MAD1L1: variants seen among roughly 807,000 people sequenced by gnomAD.
The protein encoded by MAD1L1 is mitotic arrest deficient 1 like 1.
MAD1L1 carries 95 observed loss-of-function variants against 96.9 expected under a neutral mutation model. The ratio of observed to expected loss-of-function variants is 0.98; its 90% confidence interval spans 0.83 to 1.16. MAD1L1 has a LOEUF of 1.16. Ranked by LOEUF, MAD1L1 falls within the 50% of genes most tolerant of loss-of-function variation. MAD1L1 has a pLI of 0.00. For missense variants in MAD1L1, 1,007 were observed against 954.4 expected, an observed-to-expected ratio of 1.06 and a Z score of -0.73; for synonymous variants, 473 against 396.6, an observed-to-expected ratio of 1.19 and a Z score of -2.29.
chr7:2,040,518 G>A (rs535737250), intron 12 of MAD1L1, among the ~76,000 whole-genome samples: 3 of 152,326 alleles, frequency 2.0e-5, no homozygotes, highest in East Asian at 1.9e-4. Flanking sequence ...TCACGAACGC[G>A]CTCCTGTCGC....
intron 17 of MAD1L1, among the ~76,000 whole-genome samples, chr7:1,929,068 C>G (rs1789272302): frequency 6.6e-6 from 1 of 152,218 alleles, no homozygotes; most frequent in Non-Finnish European, 1.5e-5. Flanking sequence ...AACCAGGCCT[C>G]CCCTCGAGGG....
intron 17 of MAD1L1, among the ~76,000 whole-genome samples, chr7:1,906,897 C>G (rs533112638): frequency 6.6e-6 from 1 of 152,230 alleles, no homozygotes; most frequent in African/African-American, 2.4e-5. Flanking sequence ...TCCGTTTATC[C>G]CCGAACACGT....
chr7:2,184,362 A>C (rs62442472), intron 10 of MAD1L1, among the ~76,000 whole-genome samples: 40,915 of 152,106 alleles, frequency 0.27, 6,359 homozygotes, highest in African/African-American at 0.41. Context: ...ACGCCACACA[A>C]CCGCTGGAAT....
At chr7:1,927,762 T>A (rs1477779518) in intron 17 of MAD1L1, among the ~76,000 whole-genome samples, 2 of 152,184 alleles carry the variant, frequency 1.3e-5, no homozygotes, top group African/African-American at 4.8e-5. Flanking sequence ...ATGTTTGGCC[T>A]GGAGTTATGC....
chr7:2,000,448 G>A (rs954565595), intron 14 of MAD1L1, among the ~76,000 whole-genome samples: 2 of 152,140 alleles, frequency 1.3e-5, no homozygotes, highest in Admixed American at 6.5e-5. Flanking sequence ...ACCACACAGG[G>A]CCCACAAGGT....
chr7:1,992,166 G>T (rs1781382655), intron 14 of MAD1L1, among the ~76,000 whole-genome samples: 1 of 150,664 alleles, frequency 6.6e-6, no homozygotes. Context: ...GAGCGCCACT[G>T]CTGGCCTCAT....
At chr7:2,218,930 C>T (rs974114461) in intron 6 of MAD1L1, among the ~76,000 whole-genome samples, 1 of 151,528 alleles carries the variant, frequency 6.6e-6, no homozygotes, top group Non-Finnish European at 1.5e-5. Flanking sequence ...GTGTACTGCA[C>T]ATGCTTGCAG....
At position 1,957,642 on chromosome 7, in the gene MAD1L1, C is replaced by G. The variant is rs201537051; in HGVS notation, c.1583G>C (p.Arg528Pro). Residue 528 changes from arginine to proline, a missense_variant, in exon 16 of 19, where the codon CGG becomes CCG. Transcript: ENST00000265854. ...EKRMLEAQLE[R>P]RALQGDYDQS... ...CCCCGCCCTCACCTGCAGAGCTCGCCGCTCCAGCTGTGCCTCCAGCATCCT... is the reference window on the plus strand; with the variant it reads ...CCCCGCCCTCACCTGCAGAGCTCGCGGCTCCAGCTGTGCCTCCAGCATCCT... The G allele has an allele frequency of 3.1e-6, 5 of 1,613,978 alleles. No homozygotes were observed. Among genetic ancestry groups the G allele is most frequent in the African/African-American group, 1.3e-5 (1 of 75,062 alleles).
At chr7:1,822,531 A>G (rs1782182430) in intron 18 of MAD1L1, among the ~76,000 whole-genome samples, 2 of 150,230 alleles carry the variant, frequency 1.3e-5, no homozygotes, top group Admixed American at 6.6e-5. Flanking sequence ...AGCCTCAGGC[A>G]ATCTTCCTGC....
intron 11 of MAD1L1, among the ~76,000 whole-genome samples, chr7:2,074,164 T>C (rs1332448507): frequency 1.3e-5 from 2 of 151,976 alleles, no homozygotes; most frequent in African/African-American, 4.8e-5. Flanking sequence ...GCAGCAGAGA[T>C]GGCAGCACGG....
At chr7:1,927,962 A>C (rs1284704742) in intron 17 of MAD1L1, among the ~76,000 whole-genome samples, 2 of 152,188 alleles carry the variant, frequency 1.3e-5, no homozygotes, top group Admixed American at 6.5e-5. Context: ...ATTCAATTAA[A>C]AAATAGGCAG....
intron 14 of MAD1L1, among the ~76,000 whole-genome samples, chr7:1,999,915 C>T (rs904931469): frequency 6.6e-6 from 1 of 152,190 alleles, no homozygotes; most frequent in African/African-American, 2.4e-5. Flanking sequence ...ACTGCACCTG[C>T]CCTCCACGGA....
chr7:2,036,312 A>C (rs1783432995), intron 12 of MAD1L1, among the ~76,000 whole-genome samples: 1 of 150,436 alleles, frequency 6.6e-6, no homozygotes, highest in South Asian at 2.1e-4. Flanking sequence ...GGGAGCACTG[A>C]CAAGTCGGGA....
chr7:1,951,467 C>G (rs1355076957), intron 16 of MAD1L1, among the ~76,000 whole-genome samples: 1 of 152,210 alleles, frequency 6.6e-6, no homozygotes, highest in Non-Finnish European at 1.5e-5. Flanking sequence ...CATAACCATT[C>G]TAAGTGCACA....
At chr7:1,835,704 G>A (rs1782907766) in intron 18 of MAD1L1, among the ~76,000 whole-genome samples, 1 of 152,142 alleles carries the variant, frequency 6.6e-6, no homozygotes, top group South Asian at 2.1e-4. Context: ...TGAAGTGAAA[G>A]CAAGTTTATT....
At chr7:1,959,078 C>T (rs761112099) in intron 15 of MAD1L1, among the ~76,000 whole-genome samples, 76 of 152,094 alleles carry the variant, frequency 5.0e-4, no homozygotes, top group Non-Finnish European at 8.5e-4. Flanking sequence ...ATGGCGTAAC[C>T]CCTTCTCTAC....
intron 1 of MAD1L1, among the ~76,000 whole-genome samples, chr7:2,232,389 G>C (rs961626364): frequency 6.6e-6 from 1 of 152,226 alleles, no homozygotes; most frequent in African/African-American, 2.4e-5. Flanking sequence ...GGGGAAACCG[G>C]GCCCACACGC....
At position 1,909,350 on chromosome 7, in the gene MAD1L1, G is replaced by A. The variant is rs990613675; in HGVS notation, c.1808-10960C>T. Among the ~76,000 whole-genome samples, 5 of 152,178 alleles carry A rather than the reference G, an allele frequency of 3.3e-5. 1 individual carries two copies. Among genetic ancestry groups the A allele is most frequent in the Admixed American group, 3.3e-4 (5 of 15,288 alleles). ...CCCAATGCCGAGCCAGGCTTCCCGG[G>A]ACTGAATTATTCATGTTTTGCAAGC... On this transcript the variant is annotated intron_variant, in intron 17 of 18. Transcript: ENST00000265854.
rs560550073 is a variant in MAD1L1, at chr7:1,936,186, C to T, written c.1807+501G>A. Among the ~76,000 whole-genome samples the T allele has an allele frequency of 4.7e-4, 71 of 152,358 alleles. 1 individual carries two copies. The South Asian group carries it at 7.9e-3, about 17-fold the overall frequency. On this transcript the variant is annotated intron_variant, in intron 17 of 18. Transcript: ENST00000265854. Reference sequence around the variant, plus strand: ...CCACCTCCCCACATCAGGGGATAGGCTGGCGTTCCAAAGGCCGTGGGCCTC... The same window carrying T: ...CCACCTCCCCACATCAGGGGATAGGTTGGCGTTCCAAAGGCCGTGGGCCTC...
Sources: gnomAD v4.1 joint callset for allele counts (sites outside exome capture counted in the v4.1 genomes callset) on GRCh38, gnomAD v4.1.1 for gene constraint, MANE v1.5 for transcripts, NCBI Gene and HGNC (gene_info 2026-07-23, HGNC 2026-07-21) for gene names.